Variants in PIEZO2 observed in about 807,000 individuals in gnomAD.
PIEZO2 encodes the protein piezo-type mechanosensitive ion channel component 2.
Under a neutral mutation model 337.3 loss-of-function variants are expected in PIEZO2, and 172 were observed. That is an observed-to-expected ratio of 0.51 (90% confidence interval 0.45 to 0.58). The LOEUF (loss-of-function observed/expected upper bound fraction) is 0.58, where lower values mean the gene tolerates loss of function less well. PIEZO2 is among the 20% of genes least tolerant of loss of function. PIEZO2 has a pLI of 0.00. For synonymous variants in PIEZO2, 1,251 were observed against 1,228.5 expected (o/e 1.02, Z -0.38); for missense variants, 3,028 against 3,391.3 (o/e 0.89, Z 2.66).
intron 20 of PIEZO2, among the ~76,000 whole-genome samples, chr18:10,771,065 A>G (rs1203310527): frequency 2.6e-5 from 4 of 152,168 alleles, no homozygotes; most frequent in African/African-American, 7.2e-5. Flanking sequence ...AGACCAAACT[A>G]TAATTTTCTA....
At chr18:10,733,520 G>A (rs12456162) in intron 35 of PIEZO2, among the ~76,000 whole-genome samples, 38,441 of 144,336 alleles carry the variant, frequency 0.27, 4,984 homozygotes, top group Non-Finnish European at 0.28. Flanking sequence ...CGCCATCTCC[G>A]CTCACTGCAA....
chr18:11,091,976 C>T lies in PIEZO2; in HGVS notation c.65-25754G>A, dbSNP rs551085430. The stretch of plus-strand genomic sequence containing the variant: ...CCACACGAGTCAGTAAAAGGCAGGC[C>T]GTGGTTTCCCCACGCTATTAGTGAA... On this transcript the variant is annotated intron_variant, in intron 1 of 55. Coordinates refer to ENST00000674853, the MANE Select transcript of PIEZO2 (RefSeq NM_001378183.1). Among the ~76,000 whole-genome samples the T allele has an allele frequency of 2.0e-5, 3 of 152,244 alleles. No homozygotes were observed. The South Asian group carries it at 6.2e-4, about 32-fold the overall frequency.
At chr18:10,803,740 C>T (rs2039902719) in intron 9 of PIEZO2, 135 bp downstream of exon 9, 7 of 1,148,422 alleles carry the variant, frequency 6.1e-6, no homozygotes, top group African/African-American at 4.7e-5. Flanking sequence ...ACTAACTCTC[C>T]TAAATCACTG....
At chr18:10,876,052 T>C (rs2042260184) in intron 4 of PIEZO2, among the ~76,000 whole-genome samples, 1 of 152,248 alleles carries the variant, frequency 6.6e-6, no homozygotes, top group African/African-American at 2.4e-5. Flanking sequence ...GAAACAATGA[T>C]ACTTTTGAAA....
chr18:10,965,490 G>T (rs539593525), intron 3 of PIEZO2, among the ~76,000 whole-genome samples: 1 of 152,098 alleles, frequency 6.6e-6, no homozygotes, highest in East Asian at 1.9e-4. Context: ...GCGTTCAGAG[G>T]CTTGAAATAT....
At chr18:10,852,906 A>G (rs1010473543) in intron 7 of PIEZO2, among the ~76,000 whole-genome samples, 1 of 152,084 alleles carries the variant, frequency 6.6e-6, no homozygotes, top group Non-Finnish European at 1.5e-5. Context: ...AGGTTTTTAC[A>G]CTGTTTCTCT....
chr18:11,026,626 C>T (rs73396588), intron 2 of PIEZO2, among the ~76,000 whole-genome samples: 1,533 of 152,360 alleles, frequency 0.01, 30 homozygotes, highest in African/African-American at 0.035. Context: ...TAAAGCATTG[C>T]ACAGCCTTGC....
At chr18:10,999,574 A>C (rs947131529) in intron 2 of PIEZO2, among the ~76,000 whole-genome samples, 1 of 152,266 alleles carries the variant, frequency 6.6e-6, no homozygotes, top group African/African-American at 2.4e-5. Flanking sequence ...ATATGGGAGA[A>C]CGAGCATGGG....
intron 7 of PIEZO2, among the ~76,000 whole-genome samples, chr18:10,843,062 G>C (rs2041244240): frequency 6.6e-6 from 1 of 152,162 alleles, no homozygotes; most frequent in Non-Finnish European, 1.5e-5. Context: ...AATCCAAGTA[G>C]TTATGAGGCA....
At chr18:10,851,395 CA>C (rs2041547890) in intron 7 of PIEZO2, among the ~76,000 whole-genome samples, 1 of 152,102 alleles carries the variant, frequency 6.6e-6, no homozygotes, top group Non-Finnish European at 1.5e-5. Context: ...CCCTGATAAG[CA>C]ACTTAACTTC....
At chr18:10,908,485 A>C (rs1269197924) in intron 4 of PIEZO2, 1 of 152,266 alleles carries the variant, frequency 6.6e-6, no homozygotes, top group Non-Finnish European at 1.5e-5. Flanking sequence ...TCCCTTTAAG[A>C]GAAAGAACAG....
rs966886034 is a variant in PIEZO2, at chr18:11,099,044, T to G, written c.65-32822A>C. Among the ~76,000 whole-genome samples the G allele has an allele frequency of 1.3e-5, 2 of 151,648 alleles. No homozygotes were observed. Among genetic ancestry groups the G allele is most frequent in the Non-Finnish European group, 2.9e-5 (2 of 67,974 alleles). ...GTCTCAAACTCCTTGGCTCAAGAGATCCTCTTGCCTCAGCCTCCCAAAGTG... is the reference window on the plus strand; with the variant it reads ...GTCTCAAACTCCTTGGCTCAAGAGAGCCTCTTGCCTCAGCCTCCCAAAGTG... On this transcript the variant is annotated intron_variant, in intron 1 of 55. Transcript: ENST00000674853. This position sits in a 1 kb window ranked among gnomAD's most constrained non-coding sequence, Gnocchi z 5.4.
chr18:10,790,413 A>G (rs2039368770), intron 14 of PIEZO2, among the ~76,000 whole-genome samples: 1 of 152,184 alleles, frequency 6.6e-6, no homozygotes, highest in African/African-American at 2.4e-5. Flanking sequence ...TCCATTCTAC[A>G]AATATTAAAT....
intron 1 of PIEZO2, among the ~76,000 whole-genome samples, chr18:11,103,841 C>T (rs1037948804): frequency 5.3e-5 from 8 of 150,506 alleles, no homozygotes; most frequent in African/African-American, 4.9e-5. Flanking sequence ...GTGTGTGTGA[C>T]GGAGTCTTGC....
chr18:11,143,625 ACACACACACACACACTCTCTCTCTCT>A lies in PIEZO2; in HGVS notation c.64+4874_64+4899del, dbSNP rs1331950297. Among the ~76,000 whole-genome samples the A allele has an allele frequency of 3.3e-4, 47 of 140,874 alleles. No individual in the cohort carries two copies. The highest frequency in any genetic ancestry group is 1.3e-3 in the African/African-American group (45 of 35,732). The allele number at this position is 140,874 out of a possible 152,430, so 92.4% of individuals were successfully genotyped here. On this transcript the variant is annotated intron_variant, in intron 1 of 55. Coordinates refer to ENST00000674853, the MANE Select transcript of PIEZO2 (RefSeq NM_001378183.1). This position sits in a 1 kb window ranked among gnomAD's most constrained non-coding sequence, Gnocchi z 4.9. ...AACACACACACACACACACACACAC[ACACACACACACACACTCTCTCTCTCT>A]CTCTCTCTCTCTCTCTCTCTCACTC...
At chr18:10,681,066 T>C (rs59034346) in intron 51 of PIEZO2, among the ~76,000 whole-genome samples, 2,931 of 152,316 alleles carry the variant, frequency 0.019, 99 homozygotes, top group African/African-American at 0.065. Flanking sequence ...GTTTGAGAAA[T>C]TGTCATGTCA....
chr18:10,871,492 T>G, intron 4 of PIEZO2, 77 bp from the exon 5 acceptor site: 2 of 1,329,010 alleles, frequency 1.5e-6, no homozygotes, highest in Non-Finnish European at 2.0e-6. Context: ...TATAGGATGT[T>G]TTGGTCTTCT....
chr18:10,701,179 G>A (rs2035315245), intron 43 of PIEZO2, among the ~76,000 whole-genome samples: 1 of 152,142 alleles, frequency 6.6e-6, no homozygotes, highest in East Asian at 1.9e-4. Context: ...AAGAAGACAA[G>A]GTTAAGACGA....
At chr18:11,091,378 C>T (rs1157132976) in intron 1 of PIEZO2, among the ~76,000 whole-genome samples, 28 of 127,632 alleles carry the variant, frequency 2.2e-4, no homozygotes, top group Non-Finnish European at 1.9e-4. Flanking sequence ...AGCAAGACTC[C>T]GTCTCAAAAA....
Sources: allele counts gnomAD v4.1 joint callset (sites outside exome capture counted in the v4.1 genomes callset), GRCh38; gene constraint gnomAD v4.1.1; non-coding constraint Gnocchi (gnomAD v3.1); transcripts MANE v1.5; gene names NCBI Gene and HGNC (gene_info 2026-07-23, HGNC 2026-07-21).